Variants in DDR2 observed in about 807,000 individuals in gnomAD.
DDR2 encodes the protein discoidin domain-containing receptor 2.
DDR2 carries 27 observed loss-of-function variants against 94.9 expected under a neutral mutation model. The ratio of observed to expected loss-of-function variants is 0.28; its 90% CI spans 0.21 to 0.39. DDR2 has a LOEUF of 0.39. Among genes scored for constraint, DDR2 ranks in the 10% least tolerant of loss-of-function variants. The pLI is 1.00. For synonymous variants in DDR2, 382 were observed against 377.2 expected (o/e 1.01, Z -0.15); for missense variants, 783 against 1,076.0 (o/e 0.73, Z 3.81).
chr1:162,652,248 G>A (rs762721082), intron 1 of DDR2, among the ~76,000 whole-genome samples: 3 of 152,180 alleles, frequency 2.0e-5, no homozygotes, highest in Non-Finnish European at 2.9e-5. Flanking sequence ...TCCAAACCTG[G>A]GCGGGGTTTT....
chr1:162,689,913 G>A (rs2101974026), intron 2 of DDR2, among the ~76,000 whole-genome samples: 1 of 149,262 alleles, frequency 6.7e-6, no homozygotes, highest in South Asian at 2.1e-4. Context: ...CTGCTTGGGA[G>A]GCTGAGTTGG....
chr1:162,726,553 C>A (rs918498129), intron 3 of DDR2, among the ~76,000 whole-genome samples: 3 of 152,178 alleles, frequency 2.0e-5, no homozygotes, highest in Non-Finnish European at 4.4e-5. Context: ...CAAGAAAAAA[C>A]AAAGCTCCAC....
chr1:162,633,888 C>T (rs893296545), intron 1 of DDR2, among the ~76,000 whole-genome samples: 2 of 152,224 alleles, frequency 1.3e-5, no homozygotes. Flanking sequence ...ATTTGATTGA[C>T]TCTCACAGCT....
chr1:162,742,140 A>T (rs1443630506), intron 3 of DDR2, among the ~76,000 whole-genome samples: 1 of 152,252 alleles, frequency 6.6e-6, no homozygotes, highest in East Asian at 1.9e-4. Flanking sequence ...TGTGGCACAC[A>T]TTACCTCTAC....
intron 2 of DDR2, among the ~76,000 whole-genome samples, chr1:162,692,303 G>A (rs182924015): frequency 6.6e-6 from 1 of 152,278 alleles, no homozygotes; most frequent in East Asian, 1.9e-4. Context: ...GACAGAAAGG[G>A]AAAGATTGAT....
Position 162,782,140 on chromosome 1 carries a change from T to G in DDR2, c.*1894T>G, listed in dbSNP as rs1457553011. On this transcript the variant is annotated 3_prime_UTR_variant, in exon 18 of 18. Transcript: ENST00000367921. ...GGTTTGAGAGTCAAGAGAGCATTGG[T>G]TTGGGAGCTTTAATCCTCTTTCTGC... 1 of 152,160 alleles carries G rather than the reference T, an allele frequency of 6.6e-6. No homozygotes were observed. Among genetic ancestry groups the G allele is most frequent in the African/African-American group, 2.4e-5 (1 of 41,446 alleles). The allele number at this position is 152,160 out of a possible 1,614,324, so 9.4% of individuals were successfully genotyped here.
At chr1:162,647,223 C>G (rs1462883827) in intron 1 of DDR2, among the ~76,000 whole-genome samples, 2 of 152,138 alleles carry the variant, frequency 1.3e-5, no homozygotes, top group African/African-American at 4.8e-5. Flanking sequence ...TCCTGACCAT[C>G]CAGGATGAGA....
At chr1:162,651,043 TA>T (rs1657662974) in intron 1 of DDR2, among the ~76,000 whole-genome samples, 1 of 152,286 alleles carries the variant, frequency 6.6e-6, no homozygotes, top group African/African-American at 2.4e-5. Flanking sequence ...TCCACATTAT[TA>T]TATGTCCACA....
intron 2 of DDR2, among the ~76,000 whole-genome samples, chr1:162,698,699 T>C (rs1225573597): frequency 2.0e-5 from 3 of 152,150 alleles, no homozygotes; most frequent in African/African-American, 7.2e-5. Context: ...ATCAGGAATG[T>C]TTCTACCAAC....
intron 1 of DDR2, among the ~76,000 whole-genome samples, chr1:162,647,131 C>T (rs570071900): frequency 1.1e-3 from 161 of 152,262 alleles, no homozygotes; most frequent in South Asian, 2.3e-3. Context: ...GACTCTCCTT[C>T]CTGGAGGCCA....
At chr1:162,733,195 A>G (rs567581455) in intron 3 of DDR2, among the ~76,000 whole-genome samples, 1 of 152,328 alleles carries the variant, frequency 6.6e-6, no homozygotes, top group East Asian at 1.9e-4. Flanking sequence ...ACAAAGACAG[A>G]CTGGTGGGAT....
intron 1 of DDR2, among the ~76,000 whole-genome samples, chr1:162,637,227 G>C (rs575868632): frequency 6.6e-6 from 1 of 152,094 alleles, no homozygotes; most frequent in Non-Finnish European, 1.5e-5. Context: ...GAATTTGACT[G>C]TGTGAAACTT....
At chr1:162,697,446 C>T (rs1366354597) in intron 2 of DDR2, among the ~76,000 whole-genome samples, 1 of 152,216 alleles carries the variant, frequency 6.6e-6, no homozygotes, top group Non-Finnish European at 1.5e-5. Context: ...TTGAGAAACA[C>T]ATTCCAATAT....
At chr1:162,660,950 T>C (rs1204890700) in intron 2 of DDR2, among the ~76,000 whole-genome samples, 4 of 152,254 alleles carry the variant, frequency 2.6e-5, no homozygotes, top group Non-Finnish European at 5.9e-5. Context: ...AGAAAACAGT[T>C]TGCTGACCCT....
chr1:162,696,410 C>G (rs1660193816), intron 2 of DDR2, among the ~76,000 whole-genome samples: 1 of 151,700 alleles, frequency 6.6e-6, no homozygotes, highest in South Asian at 2.1e-4. Flanking sequence ...CCAGGGCCCC[C>G]CTCTCAGGCC....
At chr1:162,739,985 A>G (rs10127876) in intron 3 of DDR2, among the ~76,000 whole-genome samples, 2,993 of 151,736 alleles carry the variant, frequency 0.02, 81 homozygotes, top group African/African-American at 0.058. Flanking sequence ...AAAAAGACTG[A>G]AGGATGAGCT....
intron 3 of DDR2, among the ~76,000 whole-genome samples, chr1:162,721,342 T>C (rs1661413223): frequency 6.6e-6 from 1 of 152,246 alleles, no homozygotes; most frequent in South Asian, 2.1e-4. Flanking sequence ...CAGGTATTTT[T>C]GTTGGCTCTT....
At chr1:162,771,624 T>G (rs1647222412) in intron 12 of DDR2, among the ~76,000 whole-genome samples, 1 of 152,198 alleles carries the variant, frequency 6.6e-6, no homozygotes, top group South Asian at 2.1e-4. Context: ...TCATATGTCT[T>G]TAATCTGAAA....
chr1:162,736,372 G>A (rs1438697816), intron 3 of DDR2, among the ~76,000 whole-genome samples: 5 of 152,206 alleles, frequency 3.3e-5, no homozygotes, highest in Admixed American at 6.5e-5. Context: ...TGGTATAAGT[G>A]GTAGAACCGG....
Sources: gnomAD v4.1 joint callset for allele counts (sites outside exome capture counted in the v4.1 genomes callset) on GRCh38, gnomAD v4.1.1 for gene constraint, MANE v1.5 for transcripts, NCBI Gene and HGNC (gene_info 2026-07-23, HGNC 2026-07-21) for gene names.